Variants in LRRC40 observed in about 807,000 individuals in gnomAD.
LRRC40 encodes the protein leucine rich repeat containing 40, also known as leucine-rich repeat-containing protein 40.
LRRC40 carries 76 observed loss-of-function variants against 72.8 expected under a neutral mutation model. That is an observed-to-expected ratio of 1.04 (90% CI 0.87 to 1.26). The LOEUF is 1.26. Among genes scored for constraint, LRRC40 ranks in the 50% most tolerant of loss-of-function variants. The pLI, the probability that LRRC40 is intolerant of heterozygous loss-of-function variation, is 0.00. For synonymous variants in LRRC40, 243 were observed against 254.2 expected (o/e 0.96, Z 0.42); for missense variants, 684 against 698.9 (o/e 0.98, Z 0.24).
intron 1 of LRRC40, among the ~76,000 whole-genome samples, chr1:70,191,971 G>A (rs1176424392): frequency 1.1e-4 from 16 of 152,076 alleles, no homozygotes; most frequent in African/African-American, 3.9e-4. Flanking sequence ...GGTTCCACAT[G>A]AATTTTAAAA....
intron 3 of LRRC40, among the ~76,000 whole-genome samples, chr1:70,186,915 T>C (rs1668372724): frequency 6.6e-6 from 1 of 152,120 alleles, no homozygotes; most frequent in African/African-American, 2.4e-5. Flanking sequence ...CCTTATTGTT[T>C]AGATATTTTT....
intron 1 of LRRC40, among the ~76,000 whole-genome samples, chr1:70,199,146 C>T (rs1668678164): frequency 6.6e-6 from 1 of 151,486 alleles, no homozygotes; most frequent in Admixed American, 6.6e-5. Context: ...GAGTGAGATC[C>T]TGTCTCAATC....
At chr1:70,153,299 T>C (rs556478335) in intron 11 of LRRC40, among the ~76,000 whole-genome samples, 40 of 151,538 alleles carry the variant, frequency 2.6e-4, no homozygotes, top group Non-Finnish European at 4.7e-4. Context: ...GAGGCGGAGG[T>C]TGTAGCGAAC....
At chr1:70,197,278 A>AT (rs1238569114) in intron 1 of LRRC40, among the ~76,000 whole-genome samples, 3 of 151,652 alleles carry the variant, frequency 2.0e-5, no homozygotes, top group African/African-American at 7.3e-5. Context: ...GTATAGATGT[A>AT]TTTTTTTATT....
Position 70,144,869 on chromosome 1 carries a change from T to TTCA in LRRC40, c.*928_*930dup, listed in dbSNP as rs901758900. 1 of 152,210 alleles carries TTCA rather than the reference T, an allele frequency of 6.6e-6. No homozygotes were observed. The highest frequency in any genetic ancestry group is 1.5e-5 in the Non-Finnish European group (1 of 68,042). The allele number at this position is 152,210 out of a possible 1,614,324, so 9.4% of individuals were successfully genotyped here. ...GTATTTATCTTTATTAGCAATTTTT[T>TTCA]TCATAATATAAGCATGCCTCAATCA... is the stretch of plus-strand genomic sequence containing the variant. On this transcript the variant is annotated 3_prime_UTR_variant, in exon 15 of 15. Coordinates refer to ENST00000370952, the MANE Select transcript of LRRC40 (RefSeq NM_017768.5).
At chr1:70,179,328 T>TA in intron 5 of LRRC40, among the ~76,000 whole-genome samples, 1 of 150,870 alleles carries the variant, frequency 6.6e-6, no homozygotes. Context: ...TACTAAAAAT[T>TA]AAAAAAAAAT....
chr1:70,161,424 C>T lies in LRRC40; in HGVS notation c.1112-1986G>A, dbSNP rs770468275. On this transcript the variant is annotated intron_variant, in intron 9 of 14. Transcript: ENST00000370952. Reference sequence around the variant, plus strand: ...TAAGAAATTTTTGGCCGGTGGCGGACGCCTGTAGTCCCAGCTACTAGGGAG... The same window carrying T: ...TAAGAAATTTTTGGCCGGTGGCGGATGCCTGTAGTCCCAGCTACTAGGGAG... 5.9e-4 allele frequency among the ~76,000 whole-genome samples: 89 copies of T among 151,152 alleles called. 1 individual carries two copies. The highest frequency in any genetic ancestry group is 8.7e-4 in the Non-Finnish European group (59 of 67,720).
chr1:70,205,543 T>A lies in LRRC40; in HGVS notation c.-3A>T. The A allele has an allele frequency of 6.3e-7, 1 of 1,592,846 alleles. No homozygotes were observed. Among genetic ancestry groups the A allele is most frequent in the Middle Eastern group, 1.8e-4 (1 of 5,588 alleles). On this transcript the variant is annotated 5_prime_UTR_variant, in exon 1 of 15. Transcript: ENST00000370952. ...GCTATCCGCTTCAGGCGCGACATGT[T>A]CAAAGTCCTAGGTCCAGAAGCTGCA...
chr1:70,182,861 T>A (rs1558123574), intron 4 of LRRC40, among the ~76,000 whole-genome samples: 1 of 152,160 alleles, frequency 6.6e-6, no homozygotes, highest in Admixed American at 6.5e-5. Context: ...AACACAATTC[T>A]GAAATGAAAC....
chr1:70,187,407 T>G (rs1294915269), intron 2 of LRRC40, 69 bp from the exon 3 acceptor site: 2 of 755,130 alleles, frequency 2.6e-6, no homozygotes, highest in Non-Finnish European at 4.5e-6. Flanking sequence ...GCTTTGCCAG[T>G]GTACAAAACT....
intron 11 of LRRC40, among the ~76,000 whole-genome samples, chr1:70,153,192 C>G (rs549257020): frequency 6.6e-6 from 1 of 152,062 alleles, no homozygotes; most frequent in African/African-American, 2.4e-5. Context: ...GAAACTCCGC[C>G]TCTACTAAAA....
intron 3 of LRRC40, 86 bp downstream of exon 3, chr1:70,187,179 T>C: frequency 7.4e-6 from 5 of 676,330 alleles, no homozygotes; most frequent in Non-Finnish European, 1.3e-5. Flanking sequence ...AATTCAAAGA[T>C]ATTTTTAATG....
intron 1 of LRRC40, among the ~76,000 whole-genome samples, chr1:70,202,384 C>T (rs939230751): frequency 1.3e-5 from 2 of 151,854 alleles, no homozygotes; most frequent in African/African-American, 4.8e-5. Context: ...ATCAAAAATA[C>T]ATGGATGAAC....
chr1:70,147,199 A>AGACT (rs1667328166), intron 14 of LRRC40: 1 of 152,182 alleles, frequency 6.6e-6, no homozygotes, highest in Non-Finnish European at 1.5e-5. Context: ...TTCCCAGGTG[A>AGACT]GACTGAACAA....
Position 70,205,039 on chromosome 1 carries a change from G to A in LRRC40, c.151+351C>T, listed in dbSNP as rs994108420. Among the ~76,000 whole-genome samples, 8 of 152,306 alleles carry A rather than the reference G, an allele frequency of 5.3e-5. No individual in the cohort carries two copies. In the East Asian group the frequency reaches 5.8e-4, roughly 11 times the overall value. On this transcript the variant is annotated intron_variant, in intron 1 of 14. Coordinates refer to ENST00000370952, the MANE Select transcript of LRRC40 (RefSeq NM_017768.5). ...TTGCCCTTGAAGATTACAATAAGAG[G>A]AGGAAAATAAGGGCCAAAGAAACAA...
intron 7 of LRRC40, among the ~76,000 whole-genome samples, chr1:70,174,282 T>C (rs1668056627): frequency 6.6e-6 from 1 of 152,026 alleles, no homozygotes; most frequent in Non-Finnish European, 1.5e-5. Context: ...TGTTCTCAAG[T>C]CCTCAGTTAA....
intron 9 of LRRC40, among the ~76,000 whole-genome samples, chr1:70,165,521 C>T (rs1280510051): frequency 6.6e-6 from 1 of 152,198 alleles, no homozygotes; most frequent in African/African-American, 2.4e-5. Context: ...TTAAAGTTAG[C>T]AGTCTCTACT....
At chr1:70,195,462 G>C (rs1668587202) in intron 1 of LRRC40, among the ~76,000 whole-genome samples, 1 of 150,966 alleles carries the variant, frequency 6.6e-6, no homozygotes, top group South Asian at 2.1e-4. Flanking sequence ...AACATCATTA[G>C]TTTTAAAGGA....
intron 14 of LRRC40, chr1:70,148,075 G>A (rs1363845682): frequency 6.9e-6 from 1 of 144,446 alleles, no homozygotes; most frequent in Admixed American, 7.0e-5. Context: ...AACAGCAGAT[G>A]TAAAGAGTGA....
Sources: gnomAD v4.1 joint callset for allele counts (sites outside exome capture counted in the v4.1 genomes callset) on GRCh38, gnomAD v4.1.1 for gene constraint, MANE v1.5 for transcripts, NCBI Gene and HGNC (gene_info 2026-07-23, HGNC 2026-07-21) for gene names.